KIF1A: variants seen among roughly 807,000 people sequenced by gnomAD.
KIF1A encodes kinesin-like protein KIF1A.
A neutral mutation model predicts 227.3 loss-of-function variants in KIF1A; 46 were observed. That is an observed-to-expected ratio of 0.20 (90% CI 0.16 to 0.26). KIF1A has a LOEUF of 0.26. Ranked by LOEUF, KIF1A falls within the 10% of genes least tolerant of loss-of-function variation. KIF1A has a pLI of 1.00. For synonymous variants in KIF1A, 1,022 were observed against 1,012.8 expected (o/e 1.01, Z -0.17); for missense variants, 1,683 against 2,485.9 (o/e 0.68, Z 6.87).
At chr2:240,750,350 G>T in intron 28 of KIF1A, 79 bp downstream of exon 28, 1 of 1,040,286 alleles carries the variant, frequency 9.6e-7, no homozygotes. Context: ...GCCCTTCTTG[G>T]GCCCACGCCT....
At position 240,762,861 on chromosome 2, in the gene KIF1A, C is replaced by G. The variant is rs1017719331; in HGVS notation, c.2023-49G>C. The stretch of plus-strand genomic sequence containing the variant: ...TCCACTACGGCCCTACCTGCCTGGG[C>G]CTCTCACACTGCGCCTAGACAGTGG... On this transcript the variant is annotated intron_variant, in intron 22 of 48. Coordinates refer to ENST00000498729, the MANE Select transcript of KIF1A (RefSeq NM_001244008.2). 3.3e-6 allele frequency: 5 copies of G among 1,517,204 alleles called. No homozygotes were observed. The African/African-American group carries it at 6.9e-5, about 21-fold the overall frequency. The allele number at this position is 1,517,204 out of a possible 1,614,324, so 94.0% of individuals were successfully genotyped here.
chr2:240,756,276 T>C (rs2049839566), intron 27 of KIF1A, among the ~76,000 whole-genome samples: 1 of 152,230 alleles, frequency 6.6e-6, no homozygotes. Context: ...CAAAAAAAGG[T>C]TGCTATTAAG....
chr2:240,747,196 A>C lies in KIF1A; in HGVS notation c.3063+40T>G, dbSNP rs541784594. On this transcript the variant is annotated intron_variant, in intron 29 of 48. Transcript: ENST00000498729. The stretch of plus-strand genomic sequence containing the variant: ...AGTGCACAGGACTCCAGTGAGCGCC[A>C]GGCACCTCCAGGTCTGGGACTCGGG... 4 of 1,504,160 alleles carry C rather than the reference A, an allele frequency of 2.7e-6. No individual in the cohort carries two copies. In the South Asian group the frequency reaches 4.6e-5, roughly 17 times the overall value. The allele number at this position is 1,504,160 out of a possible 1,614,324, so 93.2% of individuals were successfully genotyped here.
At chr2:240,731,713 G>A (rs1361128492) in intron 38 of KIF1A, among the ~76,000 whole-genome samples, 6 of 152,158 alleles carry the variant, frequency 3.9e-5, no homozygotes, top group Non-Finnish European at 8.8e-5. Flanking sequence ...ACTGTTTCCT[G>A]GTGAGCCCTC....
At position 240,778,793 on chromosome 2, in the gene KIF1A, A is replaced by G. The variant is rs999125257; in HGVS notation, c.883-2867T>C. On this transcript the variant is annotated intron_variant, in intron 10 of 48. Transcript: ENST00000498729. This position sits in a 1 kb window ranked among gnomAD's most constrained non-coding sequence, Gnocchi z 7.2. ...CGCACCGTTCCACACACGGTTCCTC[A>G]CCGCTCCCCACGTTTCCCAAACAGC... Among the ~76,000 whole-genome samples, 7 of 150,876 alleles carry G rather than the reference A, an allele frequency of 4.6e-5. No individual in the cohort carries two copies. Among genetic ancestry groups the G allele is most frequent in the South Asian group, 4.2e-4 (2 of 4,758 alleles).
intron 2 of KIF1A, 30 bp downstream of exon 2, chr2:240,797,617 G>C: frequency 2.6e-6 from 4 of 1,518,342 alleles, no homozygotes; most frequent in Non-Finnish European, 2.7e-6. Flanking sequence ...ACCCATGGCC[G>C]ACCCCGATGC....
chr2:240,805,710 A>G (rs1050543870), intron 1 of KIF1A, among the ~76,000 whole-genome samples: 1 of 152,236 alleles, frequency 6.6e-6, no homozygotes, highest in Non-Finnish European at 1.5e-5. Context: ...AACATTTACA[A>G]TATTTTACCA....
rs1344499129 is a variant in KIF1A, at chr2:240,766,747, T to TCACACACACACACACACA, written c.1684+167_1684+168insTGTGTGTGTGTGTGTGTG. Among the ~76,000 whole-genome samples, 3 of 119,442 alleles carry TCACACACACACACACACA rather than the reference T, an allele frequency of 2.5e-5. No individual in the cohort carries two copies. Among genetic ancestry groups the TCACACACACACACACACA allele is most frequent in the Admixed American group, 8.2e-5 (1 of 12,232 alleles). 78.4% of individuals were successfully genotyped at this position (119,442 alleles called of 152,430 possible). On this transcript the variant is annotated intron_variant, in intron 19 of 48. Coordinates refer to ENST00000498729, the MANE Select transcript of KIF1A (RefSeq NM_001244008.2). The surrounding 1 kb of genome is among the most constrained non-coding windows in gnomAD (Gnocchi z 5.0). ...ATCTCTCTCTCTCTCTCTCTCTCTC[T>TCACACACACACACACACA]CTCACACACACACACACACACACAC...
At position 240,765,693 on chromosome 2, in the gene KIF1A, G is replaced by A. The variant is rs756389398; in HGVS notation, c.1768+17C>T. On this transcript the variant is annotated intron_variant, in intron 20 of 48. Coordinates refer to ENST00000498729, the MANE Select transcript of KIF1A (RefSeq NM_001244008.2). ...GCCTCTGCCTACCTGACTGGCCCCC[G>A]GAGTCCCCAGCCATACCTGAACGCA... The A allele has an allele frequency of 4.4e-5, 71 of 1,603,992 alleles. No individual in the cohort carries two copies. Among genetic ancestry groups the A allele is most frequent in the South Asian group, 1.8e-4 (16 of 90,740 alleles).
intron 41 of KIF1A, 94 bp from the exon 42 acceptor site, chr2:240,723,652 C>A: frequency 7.3e-7 from 1 of 1,371,434 alleles, no homozygotes; most frequent in Non-Finnish European, 9.8e-7. Flanking sequence ...AGCTGTCTCC[C>A]CTCTGGAGTG....
At position 240,789,343 on chromosome 2, in the gene KIF1A, G is replaced by T; in HGVS notation, c.107-31C>A. ...GGAGGGAACACAGGTGGTTAGCGCTGTGCTGGGAGGGCCCCTGACTAGCTG... is the reference window on the plus strand; with the variant it reads ...GGAGGGAACACAGGTGGTTAGCGCTTTGCTGGGAGGGCCCCTGACTAGCTG... On this transcript the variant is annotated intron_variant, in intron 2 of 48. Coordinates refer to ENST00000498729, the MANE Select transcript of KIF1A (RefSeq NM_001244008.2). The surrounding 1 kb of genome is among the most constrained non-coding windows in gnomAD (Gnocchi z 4.8). The T allele has an allele frequency of 6.4e-7, 1 of 1,566,802 alleles. No individual in the cohort carries two copies. The highest frequency in any genetic ancestry group is 8.8e-7 in the Non-Finnish European group (1 of 1,137,190).
intron 38 of KIF1A, chr2:240,728,477 G>C: frequency 1.8e-6 from 2 of 1,097,802 alleles, no homozygotes; most frequent in Non-Finnish European, 2.5e-6. Flanking sequence ...GTCAGAACAA[G>C]CACCGGCACA....
rs143630043 is a variant in KIF1A at position 240,774,484 on chromosome 2, T to C, written c.959-223A>G. Reference sequence around the variant, plus strand: ...TTCATCTCTGAACCAGGCACCGCTATTATTTCTCTTTTACTTGTGTTTTTC... The same window carrying C: ...TTCATCTCTGAACCAGGCACCGCTACTATTTCTCTTTTACTTGTGTTTTTC... On this transcript the variant is annotated intron_variant, in intron 11 of 48. Transcript: ENST00000498729. Among the ~76,000 whole-genome samples the C allele has an allele frequency of 0.011, 1,539 of 146,094 alleles. 22 individuals are homozygous for C. The highest frequency in any genetic ancestry group is 0.03 in the African/African-American group (1,194 of 39,596).
At chr2:240,727,680 G>A (rs760111546) in intron 38 of KIF1A, among the ~76,000 whole-genome samples, 3 of 152,180 alleles carry the variant, frequency 2.0e-5, no homozygotes, top group Non-Finnish European at 4.4e-5. Context: ...TGATGAGCAC[G>A]GCCTGAGCCA....
At chr2:240,781,951 G>T (rs2054083692) in intron 10 of KIF1A, 1 of 985,274 alleles carries the variant, frequency 1.0e-6, no homozygotes, top group Non-Finnish European at 1.2e-6. Flanking sequence ...TCCCCACACA[G>T]CCACCGCCGA....
intron 1 of KIF1A, among the ~76,000 whole-genome samples, chr2:240,806,682 C>T (rs2057430929): frequency 6.6e-6 from 1 of 152,148 alleles, no homozygotes; most frequent in Admixed American, 6.5e-5. Context: ...TCATGTCTAG[C>T]ATCCAATCAA....
At chr2:240,813,088 C>G (rs887838297) in intron 1 of KIF1A, among the ~76,000 whole-genome samples, 4 of 152,024 alleles carry the variant, frequency 2.6e-5, no homozygotes, top group Admixed American at 6.6e-5. Flanking sequence ...CCCAGCAGGG[C>G]CAGCCCAGAA....
chr2:240,775,386 G>A lies in KIF1A; in HGVS notation c.958+465C>T, dbSNP rs904243933. 2.0e-5 allele frequency among the ~76,000 whole-genome samples: 3 copies of A among 152,146 alleles called. No individual in the cohort carries two copies. The highest frequency in any genetic ancestry group is 6.5e-5 in the Admixed American group (1 of 15,278). ...TTCCGGGATGGACGGGATCAGCGTC[G>A]GGTGCATTTCAATTCCCACCTCCCC... On this transcript the variant is annotated intron_variant, in intron 11 of 48. Transcript: ENST00000498729. This position sits in a 1 kb window ranked among gnomAD's most constrained non-coding sequence, Gnocchi z 5.5.
At chr2:240,760,979 C>A (rs995186898) in intron 24 of KIF1A, 136 bp from the exon 25 acceptor site, 1 of 971,506 alleles carries the variant, frequency 1.0e-6, no homozygotes, top group Non-Finnish European at 1.5e-6. Flanking sequence ...TTCAGACAGC[C>A]GCCAGGGGGG....
Sources: gnomAD v4.1 joint callset for allele counts (sites outside exome capture counted in the v4.1 genomes callset) on GRCh38, gnomAD v4.1.1 for gene constraint, Gnocchi (gnomAD v3.1) non-coding constraint, MANE v1.5 for transcripts, NCBI Gene and HGNC (gene_info 2026-07-23, HGNC 2026-07-21) for gene names.